The following IP6K2 variants were observed in gnomAD, a reference collection of about 807,000 sequenced individuals.
IP6K2 encodes the protein ATP:1D-myo-inositol-hexakisphosphate phosphotransferase.
Under a neutral mutation model 43.3 loss-of-function variants are expected in IP6K2, and 9 were observed. That is an observed-to-expected ratio of 0.21 (90% confidence interval 0.13 to 0.36). The LOEUF is 0.36. IP6K2 is among the 10% of genes least tolerant of loss of function. The pLI is 1.00. For synonymous variants in IP6K2, 209 were observed against 202.4 expected (o/e 1.03, Z -0.28); for missense variants, 332 against 538.4 (o/e 0.62, Z 3.79).
chr3:48,694,857 A>C, intron 2 of IP6K2: 2 of 1,537,414 alleles, frequency 1.3e-6, no homozygotes, highest in Non-Finnish European at 8.7e-7. Context: ...CTTCTACCAA[A>C]ATCAAACTCA....
chr3:48,716,505 A>G (rs1344914195), intron 1 of IP6K2: 1 of 152,254 alleles, frequency 6.6e-6, no homozygotes, highest in African/African-American at 2.4e-5. Flanking sequence ...ATTAGGATGC[A>G]AAAGACAAAA....
intron 1 of IP6K2, among the ~76,000 whole-genome samples, chr3:48,704,762 C>T (rs886180063): frequency 7.9e-5 from 12 of 151,630 alleles, no homozygotes; most frequent in South Asian, 4.2e-4. Context: ...CGTGTGCCAC[C>T]GCACCGGGCC....
At chr3:48,698,832 A>G (rs2078701958) in intron 1 of IP6K2, among the ~76,000 whole-genome samples, 1 of 151,996 alleles carries the variant, frequency 6.6e-6, no homozygotes, top group African/African-American at 2.4e-5. Flanking sequence ...CCAGCTATTC[A>G]GGAGGCTGAA....
chr3:48,693,195 G>A lies in IP6K2; in HGVS notation c.203-16C>T. The A allele has an allele frequency of 1.9e-6, 3 of 1,592,998 alleles. No homozygotes were observed. The highest frequency in any genetic ancestry group is 2.6e-6 in the Non-Finnish European group (3 of 1,161,090). On this transcript the variant is annotated splice_polypyrimidine_tract_variant and intron_variant, in intron 2 of 5. Coordinates refer to ENST00000328631, the MANE Select transcript of IP6K2 (RefSeq NM_016291.4). ...GATACCACACCTGGAAGGGGGTGAG[G>A]AGCAGAAAGAACTTTTAATTTAGCA...
intron 2 of IP6K2, chr3:48,694,825 C>G (rs1382118512): frequency 6.5e-7 from 1 of 1,536,530 alleles, no homozygotes. Flanking sequence ...CAAGAGACAC[C>G]TGAACATAAA....
chr3:48,691,224 CTT>C (rs2077754492), intron 4 of IP6K2, 81 bp downstream of exon 4: 4 of 1,192,384 alleles, frequency 3.4e-6, no homozygotes, highest in Non-Finnish European at 3.6e-6. Flanking sequence ...AAAAACCTAA[CTT>C]CTCTCTCCAA....
chr3:48,707,914 C>G (rs2080002479), intron 1 of IP6K2, among the ~76,000 whole-genome samples: 1 of 152,112 alleles, frequency 6.6e-6, no homozygotes, highest in African/African-American at 2.4e-5. Context: ...CTAGAACCAC[C>G]AGCACAACTA....
chr3:48,695,718 G>A lies in IP6K2; in HGVS notation c.-130-297C>T, dbSNP rs1163945953. 6.7e-6 allele frequency: 2 copies of A among 296,900 alleles called. No homozygotes were observed. Among genetic ancestry groups the A allele is most frequent in the Non-Finnish European group, 1.2e-5 (2 of 161,518 alleles). 18.4% of individuals were successfully genotyped at this position (296,900 alleles called of 1,614,324 possible). ...TGCCGCAGGCAAAACTGATGCCATG[G>A]TGAGGTGAAATCACAATTTCAAGCC... On this transcript the variant is annotated intron_variant, in intron 1 of 5. Transcript: ENST00000328631. This position sits in a 1 kb window ranked among gnomAD's most constrained non-coding sequence, Gnocchi z 4.6.
chr3:48,694,623 G>C (rs1235722512), intron 2 of IP6K2: 1 of 1,518,722 alleles, frequency 6.6e-7, no homozygotes, highest in African/African-American at 1.4e-5. Context: ...TAACAGCAAA[G>C]GGCTTGGGCT....
intron 1 of IP6K2, among the ~76,000 whole-genome samples, chr3:48,696,239 T>G (rs1037766827): frequency 6.6e-6 from 1 of 152,100 alleles, no homozygotes; most frequent in East Asian, 1.9e-4. Flanking sequence ...TGCTTACTCA[T>G]TATCTAGTAA....
chr3:48,704,785 C>CT (rs1241001730), intron 1 of IP6K2, among the ~76,000 whole-genome samples: 66 of 145,392 alleles, frequency 4.5e-4, no homozygotes, highest in Non-Finnish European at 4.3e-4. Context: ...TTATGATACA[C>CT]TTTTTTTTTT....
intron 1 of IP6K2, among the ~76,000 whole-genome samples, chr3:48,706,983 C>T (rs563521709): frequency 3.9e-5 from 6 of 152,058 alleles, no homozygotes; most frequent in African/African-American, 1.2e-4. Context: ...CATAATTGTA[C>T]ATTATTTTGT....
intron 1 of IP6K2, among the ~76,000 whole-genome samples, chr3:48,714,584 G>A (rs981095084): frequency 6.6e-6 from 1 of 152,082 alleles, no homozygotes; most frequent in Non-Finnish European, 1.5e-5. Flanking sequence ...GTAGAGACGG[G>A]GTTTCACCAG....
In IP6K2 at chr3:48,688,214, G is replaced by C. The variant is rs567876634; in HGVS notation, c.*59C>G. 20 of 1,569,864 alleles carry C rather than the reference G, an allele frequency of 1.3e-5. No homozygotes were observed. The Admixed American group carries it at 1.4e-4, about 11-fold the overall frequency. Reference sequence around the variant, plus strand: ...TGGCCATACTGGCTTCCTCCCTGACGCAGCACAGCTGTGCCTGGGACACAG... The same window carrying C: ...TGGCCATACTGGCTTCCTCCCTGACCCAGCACAGCTGTGCCTGGGACACAG... On this transcript the variant is annotated 3_prime_UTR_variant, in exon 6 of 6. Transcript: ENST00000328631. This position sits in a 1 kb window ranked among gnomAD's most constrained non-coding sequence, Gnocchi z 5.1.
chr3:48,693,337 A>G, intron 2 of IP6K2, 158 bp from the exon 3 acceptor site: 1 of 1,100,816 alleles, frequency 9.1e-7, no homozygotes, highest in Non-Finnish European at 1.4e-6. Context: ...ATATCAAAAC[A>G]GCTAGAAAAG....
chr3:48,714,779 C>T (rs1273048933), intron 1 of IP6K2, among the ~76,000 whole-genome samples: 8 of 137,652 alleles, frequency 5.8e-5, no homozygotes, highest in Non-Finnish European at 9.0e-5. Flanking sequence ...ACCCGGAAGG[C>T]GGAGCTTGCA....
At position 48,688,067 on chromosome 3, in the gene IP6K2, A is replaced by T. The variant is rs2077493833; in HGVS notation, c.*206T>A. 1.7e-6 allele frequency: 1 copy of T among 600,124 alleles called. No homozygotes were observed. Among genetic ancestry groups the T allele is most frequent in the Non-Finnish European group, 3.0e-6 (1 of 337,246 alleles). The allele number at this position is 600,124 out of a possible 1,614,324, so 37.2% of individuals were successfully genotyped here. Reference sequence around the variant, plus strand: ...CAGGGAAGAAAGAGGTATCATCATCAAATGTGGAATGTTGAAGAAATAGTT... The same window carrying T: ...CAGGGAAGAAAGAGGTATCATCATCTAATGTGGAATGTTGAAGAAATAGTT... On this transcript the variant is annotated 3_prime_UTR_variant, in exon 6 of 6. Transcript: ENST00000328631. This position sits in a 1 kb window ranked among gnomAD's most constrained non-coding sequence, Gnocchi z 5.1.
intron 1 of IP6K2, among the ~76,000 whole-genome samples, chr3:48,713,928 C>A (rs1388013228): frequency 1.4e-5 from 2 of 147,422 alleles, no homozygotes; most frequent in Admixed American, 1.3e-4. Flanking sequence ...GCCAGCCTGG[C>A]CAACATGGTG....
At chr3:48,693,270 C>A in intron 2 of IP6K2, 91 bp from the exon 3 acceptor site, 1 of 1,263,178 alleles carries the variant, frequency 7.9e-7, no homozygotes, top group Non-Finnish European at 1.2e-6. Flanking sequence ...TTTTTCTTAC[C>A]CAGTTCCTTA....
Sources: gnomAD v4.1 joint callset for allele counts (sites outside exome capture counted in the v4.1 genomes callset) on GRCh38, gnomAD v4.1.1 for gene constraint, Gnocchi (gnomAD v3.1) non-coding constraint, MANE v1.5 for transcripts, NCBI Gene and HGNC (gene_info 2026-07-23, HGNC 2026-07-21) for gene names.